Variants in DPP10 observed in about 807,000 individuals in gnomAD.
The protein encoded by DPP10 is inactive dipeptidyl peptidase 10.
DPP10 carries 33 observed loss-of-function variants against 120.9 expected under a neutral mutation model. The observed-to-expected ratio is 0.27, with a 90% confidence interval of 0.21 to 0.37. The LOEUF is 0.37. Among genes scored for constraint, DPP10 ranks in the 10% least tolerant of loss-of-function variants. DPP10 has a pLI of 1.00. For synonymous variants in DPP10, 337 were observed against 326.1 expected (o/e 1.03, Z -0.36); for missense variants, 816 against 942.8 (o/e 0.87, Z 1.76).
chr2:115,815,355 A>G (rs1461143268), intron 20 of DPP10, among the ~76,000 whole-genome samples: 3 of 152,200 alleles, frequency 2.0e-5, no homozygotes, highest in Non-Finnish European at 4.4e-5. Context: ...TGTGTGACCT[A>G]AGAAAGTTAG....
chr2:114,513,991 G>A (rs187794859), intron 1 of DPP10, among the ~76,000 whole-genome samples: 61 of 152,260 alleles, frequency 4.0e-4, no homozygotes, highest in Middle Eastern at 6.8e-3. Context: ...TGGCTACTAG[G>A]GTTTGAATCG....
At chr2:114,464,840 G>C (rs998334249) in intron 1 of DPP10, among the ~76,000 whole-genome samples, 2 of 152,040 alleles carry the variant, frequency 1.3e-5, no homozygotes, top group Admixed American at 1.3e-4. Context: ...ACTCCACCCT[G>C]GATGACAGAG....
chr2:115,208,519 C>T (rs1040453485), intron 1 of DPP10, among the ~76,000 whole-genome samples: 2 of 152,050 alleles, frequency 1.3e-5, no homozygotes, highest in Admixed American at 6.5e-5. Context: ...CTTCCTTTAC[C>T]TCTTGCTACT....
chr2:114,891,934 T>C (rs1300386941), intron 1 of DPP10, among the ~76,000 whole-genome samples: 4 of 145,766 alleles, frequency 2.7e-5, no homozygotes, highest in Non-Finnish European at 6.2e-5. Flanking sequence ...ATGCTGAGGA[T>C]GTCTGTCTGT....
intron 1 of DPP10, among the ~76,000 whole-genome samples, chr2:114,693,697 C>T (rs919649681): frequency 6.6e-6 from 1 of 151,876 alleles, no homozygotes; most frequent in Admixed American, 6.6e-5. Context: ...CCATTCTCCC[C>T]ATCTCTTTGA....
At chr2:115,433,148 T>C (rs528220979) in intron 3 of DPP10, among the ~76,000 whole-genome samples, 119 of 152,140 alleles carry the variant, frequency 7.8e-4, no homozygotes, top group African/African-American at 2.8e-3. Context: ...TCTGTGTATT[T>C]TTTTTATTAG....
At chr2:115,752,396 T>C (rs1420856603) in intron 10 of DPP10, among the ~76,000 whole-genome samples, 1 of 152,206 alleles carries the variant, frequency 6.6e-6, no homozygotes, top group Non-Finnish European at 1.5e-5. Flanking sequence ...AAGGAAGATA[T>C]ATAAACTTTC....
chr2:115,276,416 T>TA (rs915412881), intron 1 of DPP10, among the ~76,000 whole-genome samples: 39 of 152,098 alleles, frequency 2.6e-4, no homozygotes, highest in African/African-American at 8.2e-4. Flanking sequence ...ATTTTTATCT[T>TA]AAAAAAAGGA....
intron 4 of DPP10, among the ~76,000 whole-genome samples, chr2:115,505,191 G>T (rs898744442): frequency 1.8e-4 from 28 of 151,810 alleles, no homozygotes; most frequent in African/African-American, 6.8e-4. Flanking sequence ...AAATGAGTAA[G>T]TCATCCTTAT....
chr2:115,041,190 G>A (rs752597747), intron 1 of DPP10, among the ~76,000 whole-genome samples: 89 of 151,310 alleles, frequency 5.9e-4, no homozygotes, highest in Non-Finnish European at 7.5e-4. Flanking sequence ...GCAGAACCAT[G>A]AGCCAATCAA....
chr2:115,801,027 G>A (rs1685167649), intron 19 of DPP10, among the ~76,000 whole-genome samples: 1 of 152,182 alleles, frequency 6.6e-6, no homozygotes, highest in South Asian at 2.1e-4. Context: ...ACCTTGGGCA[G>A]TATGGCCATT....
chr2:115,698,221 GA>G (rs1220839423), intron 7 of DPP10, among the ~76,000 whole-genome samples: 1 of 152,054 alleles, frequency 6.6e-6, no homozygotes, highest in African/African-American at 2.4e-5. Flanking sequence ...ACTGAAAACT[GA>G]AAAATTTCTA....
intron 1 of DPP10, among the ~76,000 whole-genome samples, chr2:114,932,195 T>C (rs974356739): frequency 5.9e-5 from 9 of 152,248 alleles, no homozygotes; most frequent in African/African-American, 2.2e-4. Flanking sequence ...ATTTGTTTTA[T>C]CAAGCCCTCC....
intron 5 of DPP10, among the ~76,000 whole-genome samples, chr2:115,662,187 T>A (rs2089041355): frequency 6.6e-6 from 1 of 152,204 alleles, no homozygotes; most frequent in Non-Finnish European, 1.5e-5. Context: ...TTGTTGCAAA[T>A]GAAATTATGT....
At chr2:114,735,033 A>T (rs917154539) in intron 1 of DPP10, among the ~76,000 whole-genome samples, 6 of 151,990 alleles carry the variant, frequency 3.9e-5, no homozygotes, top group African/African-American at 1.5e-4. Context: ...TTCCTTTCTT[A>T]TATGGGTACC....
chr2:114,467,525 C>T (rs1219801649), intron 1 of DPP10, among the ~76,000 whole-genome samples: 2 of 152,158 alleles, frequency 1.3e-5, no homozygotes, highest in African/African-American at 4.8e-5. Context: ...TTGTTTGTTG[C>T]AATCTGAGAC....
At chr2:115,075,719 TTAA>T (rs1033767520) in intron 1 of DPP10, among the ~76,000 whole-genome samples, 1 of 151,930 alleles carries the variant, frequency 6.6e-6, no homozygotes, top group Non-Finnish European at 1.5e-5. Flanking sequence ...TTTTTTTTTT[TTAA>T]TGTTAGGCAA....
chr2:115,804,259 C>T (rs1350053381), intron 19 of DPP10, among the ~76,000 whole-genome samples: 2 of 152,190 alleles, frequency 1.3e-5, no homozygotes, highest in Non-Finnish European at 2.9e-5. Context: ...ACGTAGTTCT[C>T]GTGCCTTGGT....
chr2:114,523,093 A>C (rs1179888754), intron 1 of DPP10, among the ~76,000 whole-genome samples: 3 of 152,200 alleles, frequency 2.0e-5, no homozygotes, highest in African/African-American at 7.2e-5. Flanking sequence ...TTATTGAGTG[A>C]GTGCTCCTTA....
Sources: allele counts gnomAD v4.1 joint callset (sites outside exome capture counted in the v4.1 genomes callset), GRCh38; gene constraint gnomAD v4.1.1; transcripts MANE v1.5; gene names NCBI Gene and HGNC (gene_info 2026-07-23, HGNC 2026-07-21).